BSDC1: variants seen among roughly 807,000 people sequenced by gnomAD.
The protein encoded by BSDC1 is BSD domain-containing protein 1.
A neutral mutation model predicts 56.0 loss-of-function variants in BSDC1; 29 were observed. The ratio of observed to expected loss-of-function variants is 0.52; its 90% CI spans 0.39 to 0.71. The LOEUF (loss-of-function observed/expected upper bound fraction) is 0.71. BSDC1 is among the 30% of genes least tolerant of loss of function. The pLI is 0.00. For synonymous variants in BSDC1, 210 were observed against 215.3 expected, an observed-to-expected ratio of 0.98 and a Z score of 0.21; for missense variants, 477 against 548.5, an observed-to-expected ratio of 0.87 and a Z score of 1.30.
intron 10 of BSDC1, chr1:32,367,826 A>C (rs1570093932): frequency 1.1e-6 from 1 of 921,718 alleles, no homozygotes; most frequent in Non-Finnish European, 1.3e-6. Flanking sequence ...GTCTACATGG[A>C]TCACCTCATT....
At chr1:32,381,110 T>C (rs1642463379) in intron 5 of BSDC1, 104 bp downstream of exon 5, 8 of 1,085,558 alleles carry the variant, frequency 7.4e-6, no homozygotes, top group African/African-American at 1.6e-5. Context: ...TCTCCCTACA[T>C]AGGGGGTGCC....
In BSDC1 at chr1:32,376,353, C is replaced by G; in HGVS notation, c.1065G>C (p.Glu355Asp). 6.2e-7 allele frequency: 1 copy of G among 1,612,768 alleles called. No homozygotes were observed. The highest frequency in any genetic ancestry group is 8.5e-7 in the Non-Finnish European group (1 of 1,179,004). The stretch of plus-strand genomic sequence containing the variant: ...CTGTGGGCGCCTCCTCCCTCAGAGT[C>G]TCTACTCTGGCTGGAGGCCTGGGCT... ...GPEPRPPARV[E>D]TLREEAPTDL... The change falls in exon 9 of 11, where the codon GAG becomes GAC. Residue 355 changes from glutamate (E) to aspartate (D), a missense_variant. By Grantham distance (45) the Glu-to-Asp change is conservative. Coordinates refer to ENST00000455895, the MANE Select transcript of BSDC1 (RefSeq NM_018045.8).
intron 2 of BSDC1, among the ~76,000 whole-genome samples, chr1:32,391,852 A>C (rs1642876603): frequency 6.6e-6 from 1 of 152,212 alleles, no homozygotes; most frequent in South Asian, 2.1e-4. Context: ...GTGGTATCTA[A>C]GAGGTTTTCC....
chr1:32,376,200 A>G, intron 9 of BSDC1, 62 bp downstream of exon 9: 1 of 1,385,772 alleles, frequency 7.2e-7, no homozygotes, highest in Non-Finnish European at 9.4e-7. Context: ...AAGGAGACAA[A>G]TCTGCCTCAG....
chr1:32,389,181 C>G (rs181402306), intron 2 of BSDC1, among the ~76,000 whole-genome samples: 27 of 152,202 alleles, frequency 1.8e-4, no homozygotes, highest in African/African-American at 6.0e-4. Context: ...GTCTCGATCT[C>G]CTGACCTCAT....
chr1:32,368,240 T>C, intron 10 of BSDC1: 1 of 1,481,230 alleles, frequency 6.8e-7, no homozygotes, highest in Non-Finnish European at 9.0e-7. Flanking sequence ...AACTTGACCC[T>C]CTATCCACCC....
chr1:32,370,482 G>C (rs1642035204), intron 9 of BSDC1, among the ~76,000 whole-genome samples: 1 of 151,948 alleles, frequency 6.6e-6, no homozygotes, highest in Non-Finnish European at 1.5e-5. Context: ...GTAAACCAGG[G>C]GTTGGCAAAC....
At chr1:32,386,417 T>A (rs1041525107) in intron 3 of BSDC1, 1 of 175,880 alleles carries the variant, frequency 5.7e-6, no homozygotes, top group East Asian at 1.7e-4. Context: ...CCCCAAAATA[T>A]TAACAGTAGC....
chr1:32,370,787 G>A (rs1428659969), intron 9 of BSDC1, among the ~76,000 whole-genome samples: 3 of 110,810 alleles, frequency 2.7e-5, no homozygotes, highest in African/African-American at 1.1e-4. Context: ...CTGGGTGACA[G>A]AGTGAGACTC....
intron 3 of BSDC1, among the ~76,000 whole-genome samples, chr1:32,384,202 G>A (rs1048151500): frequency 5.9e-5 from 9 of 152,172 alleles, no homozygotes; most frequent in African/African-American, 2.2e-4. Context: ...ACAGGGCCAT[G>A]GTAGGCCTGT....
chr1:32,387,262 CT>C (rs1207571583), intron 2 of BSDC1, among the ~76,000 whole-genome samples: 1 of 151,922 alleles, frequency 6.6e-6, no homozygotes, highest in African/African-American at 2.4e-5. Context: ...ACAATACTGA[CT>C]TTGATGAATT....
Position 32,366,630 on chromosome 1 carries a change from A to G in BSDC1, c.1285T>C (p.Trp429Arg). 6.7e-7 allele frequency: 1 copy of G among 1,490,700 alleles called. No individual in the cohort carries two copies. The allele number at this position is 1,490,700 out of a possible 1,614,324, so 92.3% of individuals were successfully genotyped here. ...GELEDVEWED[W>R]E ...TGCTCCCTCTGGCTCCCTCACTCCC[A>G]GTCCTCCCACTCTACATCTTCCAGC... Residue 429 changes from tryptophan to arginine, a missense_variant, in exon 11 of 11, where the codon TGG becomes CGG. Physicochemically the swap from Trp to Arg is moderately radical, Grantham distance 101. Transcript: ENST00000455895.
Position 32,365,292 on chromosome 1 carries a change from A to G in BSDC1, c.*1330T>C, listed in dbSNP as rs1641805535. ...AGATGCATTATAATTTAAAATATATAATATTGCACAAACAACCAAAAGGTT... is the reference window on the plus strand; with the variant it reads ...AGATGCATTATAATTTAAAATATATGATATTGCACAAACAACCAAAAGGTT... On this transcript the variant is annotated 3_prime_UTR_variant, in exon 11 of 11. Transcript: ENST00000455895. 2 of 152,442 alleles carry G rather than the reference A, an allele frequency of 1.3e-5. No homozygotes were observed. The highest frequency in any genetic ancestry group is 2.9e-5 in the Non-Finnish European group (2 of 68,024). 9.4% of individuals were successfully genotyped at this position (152,442 alleles called of 1,614,324 possible).
At chr1:32,377,110 T>C (rs1642319084) in intron 8 of BSDC1, among the ~76,000 whole-genome samples, 1 of 151,924 alleles carries the variant, frequency 6.6e-6, no homozygotes, top group South Asian at 2.1e-4. Context: ...CACTCCAGCC[T>C]GGATGACAGA....
chr1:32,366,596 TG>T lies in BSDC1; in HGVS notation c.*25del, dbSNP rs1641860602. On this transcript the variant is annotated 3_prime_UTR_variant, in exon 11 of 11. Transcript: ENST00000455895. Reference sequence around the variant, plus strand: ...CGAGGGAGGCGAGAGATGCCATGGGTGGGGGAGCTGCTCCCTCTGGCTCCCT... The same window carrying T: ...CGAGGGAGGCGAGAGATGCCATGGGTGGGGAGCTGCTCCCTCTGGCTCCCT... 1 of 1,514,442 alleles carries T rather than the reference TG, an allele frequency of 6.6e-7. No individual in the cohort carries two copies. Among genetic ancestry groups the T allele is most frequent in the Admixed American group, 2.1e-5 (1 of 48,754 alleles). The allele number at this position is 1,514,442 out of a possible 1,614,324, so 93.8% of individuals were successfully genotyped here.
chr1:32,390,834 C>T (rs1642842180), intron 2 of BSDC1, among the ~76,000 whole-genome samples: 1 of 152,092 alleles, frequency 6.6e-6, no homozygotes, highest in Non-Finnish European at 1.5e-5. Context: ...TTGCTTGAAT[C>T]CAGGAAGTGG....
Position 32,376,377 on chromosome 1 carries a change from C to G in BSDC1, c.1041G>C (p.Glu347Asp). 1 of 1,613,694 alleles carries G rather than the reference C, an allele frequency of 6.2e-7. No homozygotes were observed. Among genetic ancestry groups the G allele is most frequent in the Non-Finnish European group, 8.5e-7 (1 of 1,179,658 alleles). Reference protein sequence around the residue: ...LTPAGHTGGPEPRPPARVETL... With the variant: ...LTPAGHTGGPDPRPPARVETL... ...TCTCTACTCTGGCTGGAGGCCTGGG[C>G]TCTGGGCCGCCGGTGTGGCCAGCAG... The change falls in exon 9 of 11, where the codon GAG becomes GAC. Residue 347 changes from glutamate (E) to aspartate (D), a missense_variant. Physicochemically the swap from Glu to Asp is conservative, Grantham distance 45. Coordinates refer to ENST00000455895, the MANE Select transcript of BSDC1 (RefSeq NM_018045.8).
At chr1:32,375,279 G>T (rs1642239249) in intron 9 of BSDC1, among the ~76,000 whole-genome samples, 1 of 152,104 alleles carries the variant, frequency 6.6e-6, no homozygotes, top group Admixed American at 6.5e-5. Flanking sequence ...GGGGTGGGGT[G>T]GGGTCCATTT....
chr1:32,382,767 G>T (rs939229033), intron 4 of BSDC1, among the ~76,000 whole-genome samples: 1 of 150,008 alleles, frequency 6.7e-6, no homozygotes, highest in African/African-American at 2.5e-5. Context: ...ATACTAGGGA[G>T]GTTGAGGTGG....
Sources: gnomAD v4.1 joint callset for allele counts (sites outside exome capture counted in the v4.1 genomes callset) on GRCh38, gnomAD v4.1.1 for gene constraint, MANE v1.5 for transcripts, NCBI Gene and HGNC (gene_info 2026-07-23, HGNC 2026-07-21) for gene names.